The following TMEM108 variants were observed in gnomAD, a reference collection of about 807,000 sequenced individuals.
The protein encoded by TMEM108 is transmembrane protein 108.
In TMEM108, 12 loss-of-function variants were observed where a neutral mutation model predicts 35.1. The observed-to-expected ratio is 0.34, with a 90% CI of 0.22 to 0.55. The LOEUF is 0.55. Ranked by LOEUF, TMEM108 falls within the 20% of genes least tolerant of loss-of-function variation. TMEM108 has a pLI of 0.89. For synonymous variants in TMEM108, 287 were observed against 308.6 expected (o/e 0.93, Z 0.73); for missense variants, 680 against 753.3 (o/e 0.90, Z 1.14).
chr3:133,250,431 C>T (rs1184725400), intron 3 of TMEM108, among the ~76,000 whole-genome samples: 1 of 152,128 alleles, frequency 6.6e-6, no homozygotes, highest in Non-Finnish European at 1.5e-5. Context: ...TGTAAGAATA[C>T]AGTATATATA....
rs570237795 is a variant in TMEM108, at chr3:133,380,400, C to T, written c.689C>T (p.Pro230Leu). 41 of 1,613,674 alleles carry T rather than the reference C, an allele frequency of 2.5e-5. 1 individual carries two copies. Among genetic ancestry groups the T allele is most frequent in the African/African-American group, 1.9e-4 (14 of 74,994 alleles). ...GGCAACTTCACAGGGTCTGTGGAAC[C>T]GGAGCCCTCTACCCTCACCCCCAGG... ...YKGNFTGSVE[P>L]EPSTLTPRTP... Residue 230 changes from proline to leucine, a missense_variant, in exon 4 of 6, where the codon CCG becomes CTG. Coordinates refer to ENST00000321871, the MANE Select transcript of TMEM108 (RefSeq NM_023943.4). This position sits in a 1 kb window ranked among gnomAD's most constrained non-coding sequence, Gnocchi z 5.3.
chr3:133,090,384 A>G (rs1253280761), intron 2 of TMEM108, among the ~76,000 whole-genome samples: 1 of 152,178 alleles, frequency 6.6e-6, no homozygotes, highest in Non-Finnish European at 1.5e-5. Flanking sequence ...CCTCCCATTT[A>G]ATTTAAAAGG....
chr3:133,055,473 A>G (rs1943455483), intron 2 of TMEM108, among the ~76,000 whole-genome samples: 1 of 152,200 alleles, frequency 6.6e-6, no homozygotes, highest in Non-Finnish European at 1.5e-5. Flanking sequence ...AGAGCCAGGG[A>G]TCCTGAATCC....
At chr3:133,280,865 C>G (rs1207114326) in intron 3 of TMEM108, among the ~76,000 whole-genome samples, 1 of 152,198 alleles carries the variant, frequency 6.6e-6, no homozygotes, top group African/African-American at 2.4e-5. Flanking sequence ...CATGGTACAG[C>G]AGGCTAGCTC....
At chr3:133,132,992 T>G (rs1286382797) in intron 2 of TMEM108, among the ~76,000 whole-genome samples, 1 of 152,196 alleles carries the variant, frequency 6.6e-6, no homozygotes, top group Non-Finnish European at 1.5e-5. Flanking sequence ...AACATATGAC[T>G]GAATTTCTGC....
At chr3:133,128,323 T>G (rs1353069018) in intron 2 of TMEM108, among the ~76,000 whole-genome samples, 2 of 152,162 alleles carry the variant, frequency 1.3e-5, no homozygotes, top group East Asian at 1.9e-4. Context: ...GAATGGGCCC[T>G]TGTTCAAGAC....
intron 2 of TMEM108, among the ~76,000 whole-genome samples, chr3:133,128,034 C>T (rs1944439969): frequency 6.6e-6 from 1 of 152,146 alleles, no homozygotes; most frequent in African/African-American, 2.4e-5. Flanking sequence ...TATCTGTTCC[C>T]TAAAGAGGAA....
At chr3:133,134,364 C>T (rs969741866) in intron 2 of TMEM108, among the ~76,000 whole-genome samples, 2 of 151,990 alleles carry the variant, frequency 1.3e-5, no homozygotes, top group Non-Finnish European at 2.9e-5. Context: ...CTTTTTTTAT[C>T]TGCTGAAGTT....
chr3:133,158,207 C>T (rs1174553252), intron 2 of TMEM108, among the ~76,000 whole-genome samples: 2 of 152,076 alleles, frequency 1.3e-5, no homozygotes, highest in Non-Finnish European at 2.9e-5. Context: ...TGGTGGCTCA[C>T]ACCTGTAATC....
At chr3:133,040,025 A>G (rs1943253954) in intron 1 of TMEM108, among the ~76,000 whole-genome samples, 1 of 152,276 alleles carries the variant, frequency 6.6e-6, no homozygotes, top group Admixed American at 6.5e-5. Context: ...CGGAAATCAA[A>G]TTTTGTCGGT....
chr3:133,148,283 T>G (rs1287251952), intron 2 of TMEM108, among the ~76,000 whole-genome samples: 1 of 152,130 alleles, frequency 6.6e-6, no homozygotes, highest in Non-Finnish European at 1.5e-5. Context: ...GCTCAAGATT[T>G]TAAAAGTACA....
chr3:133,239,380 C>A (rs76128791), intron 3 of TMEM108, among the ~76,000 whole-genome samples: 2,158 of 152,272 alleles, frequency 0.014, 62 homozygotes, highest in African/African-American at 0.049. Context: ...ACTTGATTGG[C>A]TTTGATTAGT....
chr3:133,049,692 C>T (rs1326222865), intron 2 of TMEM108, among the ~76,000 whole-genome samples: 1 of 152,098 alleles, frequency 6.6e-6, no homozygotes, highest in Non-Finnish European at 1.5e-5. Context: ...CCCTTTAATC[C>T]AAGGCTGCTG....
At chr3:133,394,752 ATTC>A (rs2073281438) in intron 5 of TMEM108, among the ~76,000 whole-genome samples, 2 of 152,264 alleles carry the variant, frequency 1.3e-5, no homozygotes, top group Admixed American at 6.5e-5. Flanking sequence ...ACTGAAGGAA[ATTC>A]TTGTCTTCTG....
chr3:133,149,253 A>G (rs745374331), intron 2 of TMEM108, among the ~76,000 whole-genome samples: 4 of 152,188 alleles, frequency 2.6e-5, no homozygotes, highest in Non-Finnish European at 4.4e-5. Flanking sequence ...TAAAAAATGT[A>G]TATATTTAAG....
At chr3:133,351,724 G>T (rs2072004185) in intron 3 of TMEM108, among the ~76,000 whole-genome samples, 1 of 152,126 alleles carries the variant, frequency 6.6e-6, no homozygotes, top group Admixed American at 6.5e-5. Context: ...GGAAAGTGAG[G>T]CACAAAGTGA....
In TMEM108 at chr3:133,305,370, G is replaced by T. The variant is rs867515202; in HGVS notation, c.41-74382G>T. ...CACACTCTGGGGACTGTGGTGGGGT[G>T]GGGGGAGGGGGGAGGGATAGCATTG... On this transcript the variant is annotated intron_variant, in intron 3 of 5. Transcript: ENST00000321871. Among the ~76,000 whole-genome samples the T allele has an allele frequency of 7.1e-3, 878 of 124,262 alleles. 12 individuals are homozygous for T. The highest frequency in any genetic ancestry group is 0.026 in the African/African-American group (834 of 32,410). The allele number at this position is 124,262 out of a possible 152,430, so 81.5% of individuals were successfully genotyped here. A position where few individuals can be genotyped will look rare whatever the true frequency, so the allele number is the denominator to read the frequency against.
At position 133,379,965 on chromosome 3, in the gene TMEM108, C is replaced by T. The variant is rs1290587798; in HGVS notation, c.254C>T (p.Thr85Ile). The T allele has an allele frequency of 1.9e-6, 3 of 1,613,962 alleles. No homozygotes were observed. The highest frequency in any genetic ancestry group is 2.2e-5 in the East Asian group (1 of 44,856). Reference sequence around the variant, plus strand: ...GCTGCAGCTCCCATGGCAACACCGACACCCCGTGCAGAGGGGCACCCTCCT... The same window carrying T: ...GCTGCAGCTCCCATGGCAACACCGATACCCCGTGCAGAGGGGCACCCTCCT... Reference protein sequence around the residue: ...SQAAAPMATPTPRAEGHPPTH... With the variant: ...SQAAAPMATPIPRAEGHPPTH... The change falls in exon 4 of 6, where the codon ACA (threonine) becomes ATA (isoleucine). Residue 85 changes from threonine (T) to isoleucine (I), a missense_variant. Thr to Ile is a moderately conservative substitution (Grantham distance 89). This residue lies in a region of TMEM108 where 526 missense variants were observed against 532.1 expected (regional missense o/e 0.99). Transcript: ENST00000321871.
rs138732141 is a variant in TMEM108, at chr3:133,173,809, C to T, written c.-46-55457C>T. On this transcript the variant is annotated intron_variant, in intron 2 of 5. Transcript: ENST00000321871. ...ATTTCTGCATATCCAACTGAGGTAC[C>T]GGGTTCATCTCACTGGGGAGTGCTG... 7.4e-3 allele frequency among the ~76,000 whole-genome samples: 1,126 copies of T among 152,266 alleles called. 17 individuals are homozygous for T. Among genetic ancestry groups the T allele is most frequent in the African/African-American group, 0.025 (1,056 of 41,550 alleles).
Sources: allele counts gnomAD v4.1 joint callset (sites outside exome capture counted in the v4.1 genomes callset), GRCh38; gene constraint gnomAD v4.1.1; regional missense constraint gnomAD v4.1.1; non-coding constraint Gnocchi (gnomAD v3.1); transcripts MANE v1.5; gene names NCBI Gene and HGNC (gene_info 2026-07-23, HGNC 2026-07-21).